MAGI2: variants seen among roughly 807,000 people sequenced by gnomAD.
MAGI2 encodes the protein membrane-associated guanylate kinase, WW and PDZ domain-containing protein 2.
A neutral mutation model predicts 133.3 loss-of-function variants in MAGI2; 35 were observed. The observed-to-expected ratio is 0.26, with a 90% CI of 0.20 to 0.35. MAGI2 has a LOEUF of 0.35. Ranked by LOEUF, MAGI2 falls within the 10% of genes least tolerant of loss-of-function variation. The pLI is 1.00. For synonymous variants in MAGI2, 729 were observed against 710.6 expected (o/e 1.03, Z -0.41); for missense variants, 1,636 against 1,863.4 (o/e 0.88, Z 2.25).
At chr7:78,428,577 C>T (rs1270308462) in intron 6 of MAGI2, among the ~76,000 whole-genome samples, 1 of 152,168 alleles carries the variant, frequency 6.6e-6, no homozygotes, top group Non-Finnish European at 1.5e-5. Flanking sequence ...TGCTAGAGTC[C>T]TCCACATCCA....
intron 1 of MAGI2, among the ~76,000 whole-genome samples, chr7:79,116,930 G>A (rs1387198372): frequency 6.6e-6 from 1 of 152,100 alleles, no homozygotes; most frequent in East Asian, 1.9e-4. Context: ...GCAGAGCCAT[G>A]AGCCAATTAA....
chr7:78,307,913 C>T (rs914065205), intron 9 of MAGI2, among the ~76,000 whole-genome samples: 1 of 152,096 alleles, frequency 6.6e-6, no homozygotes, highest in African/African-American at 2.4e-5. Flanking sequence ...CACCTACCTG[C>T]CCAAGCAAGG....
rs138594788 is a variant in MAGI2, at chr7:79,451,863, G to A, written c.301+1157C>T. Among the ~76,000 whole-genome samples, 149 of 152,228 alleles carry A rather than the reference G, an allele frequency of 9.8e-4. 1 individual carries two copies. In the South Asian group the frequency reaches 0.02, roughly 20 times the overall value. On this transcript the variant is annotated intron_variant, in intron 1 of 21. Transcript: ENST00000354212. ...TCCATACATACCGCACACGAATTGT[G>A]CAGTGAGCTAAAAAAGAAAACAGAA...
At chr7:78,327,678 T>G (rs535041715) in intron 9 of MAGI2, among the ~76,000 whole-genome samples, 3 of 152,256 alleles carry the variant, frequency 2.0e-5, no homozygotes, top group East Asian at 3.9e-4. Flanking sequence ...AAAATACCAC[T>G]CAATATCCCC....
At chr7:78,073,231 A>G (rs1372721502) in intron 21 of MAGI2, among the ~76,000 whole-genome samples, 1 of 152,228 alleles carries the variant, frequency 6.6e-6, no homozygotes. Context: ...CTTGTAGTCA[A>G]GCCAAAACCT....
At chr7:78,421,202 T>G (rs1023389065) in intron 6 of MAGI2, among the ~76,000 whole-genome samples, 2 of 152,148 alleles carry the variant, frequency 1.3e-5, no homozygotes, top group East Asian at 3.9e-4. Flanking sequence ...AAGATATAGA[T>G]CAGCAAGACT....
At chr7:79,389,563 T>C (rs1844449778) in intron 1 of MAGI2, among the ~76,000 whole-genome samples, 1 of 152,172 alleles carries the variant, frequency 6.6e-6, no homozygotes, top group Non-Finnish European at 1.5e-5. Flanking sequence ...AGCATTATTC[T>C]ATTTTAAAAG....
chr7:79,058,925 T>C (rs1407166905), intron 1 of MAGI2, among the ~76,000 whole-genome samples: 1 of 152,104 alleles, frequency 6.6e-6, no homozygotes, highest in Non-Finnish European at 1.5e-5. Flanking sequence ...TAGCATTTAC[T>C]TTTCAGGGTT....
chr7:78,627,778 G>A (rs975530731), intron 2 of MAGI2, among the ~76,000 whole-genome samples: 2 of 152,184 alleles, frequency 1.3e-5, no homozygotes, highest in East Asian at 1.9e-4. Flanking sequence ...TTAAAGGATC[G>A]CAAAACCTTT....
chr7:79,280,552 T>C (rs745368448), intron 1 of MAGI2, among the ~76,000 whole-genome samples: 13 of 152,004 alleles, frequency 8.6e-5, no homozygotes, highest in African/African-American at 1.5e-4. Context: ...TGTTGGGAAA[T>C]TGATGCAGCA....
intron 6 of MAGI2, among the ~76,000 whole-genome samples, chr7:78,416,214 A>T (rs1798287184): frequency 1.3e-5 from 2 of 152,126 alleles, no homozygotes; most frequent in Non-Finnish European, 2.9e-5. Flanking sequence ...CAAAGGAGGG[A>T]TGCAAATGAT....
intron 10 of MAGI2, among the ~76,000 whole-genome samples, chr7:78,205,096 T>C (rs182200916): frequency 5.3e-5 from 8 of 152,254 alleles, no homozygotes; most frequent in Non-Finnish European, 7.3e-5. Flanking sequence ...GATTTCATTA[T>C]TGAAATGTAA....
rs956572027 is a variant in MAGI2, at chr7:79,379,231, G to A, written c.301+73789C>T. 3.5e-4 allele frequency among the ~76,000 whole-genome samples: 53 copies of A among 150,930 alleles called. 1 individual carries two copies. The highest frequency in any genetic ancestry group is 8.9e-5 in the Non-Finnish European group (6 of 67,722). On this transcript the variant is annotated intron_variant, in intron 1 of 21. Transcript: ENST00000354212. Reference sequence around the variant, plus strand: ...GTGGTGTTTGGTTTTTTGTCCTTGCGATAGTTTGCTGAGAATGATGGTTTC... The same window carrying A: ...GTGGTGTTTGGTTTTTTGTCCTTGCAATAGTTTGCTGAGAATGATGGTTTC...
intron 1 of MAGI2, among the ~76,000 whole-genome samples, chr7:79,014,642 CT>C (rs1410217947): frequency 6.6e-6 from 1 of 151,786 alleles, no homozygotes. Context: ...TTTTTTAAAA[CT>C]AGAGATATAC....
At chr7:79,151,434 G>A (rs1362942004) in intron 1 of MAGI2, among the ~76,000 whole-genome samples, 4 of 152,042 alleles carry the variant, frequency 2.6e-5, no homozygotes, top group Non-Finnish European at 4.4e-5. Context: ...ATTTTGTTAC[G>A]AAAGCTCCTT....
At chr7:78,544,913 C>T (rs1236927484) in intron 3 of MAGI2, among the ~76,000 whole-genome samples, 1 of 151,698 alleles carries the variant, frequency 6.6e-6, no homozygotes, top group African/African-American at 2.4e-5. Flanking sequence ...CCTGCTTTGG[C>T]CTCCCGAAGG....
intron 21 of MAGI2, among the ~76,000 whole-genome samples, chr7:78,027,535 T>C (rs2471574): frequency 0.91 from 138,753 of 151,648 alleles, 63,607 homozygotes; most frequent in East Asian, 1. Flanking sequence ...TGCTGAGGCA[T>C]GAGAATCGCT....
chr7:78,775,420 T>TACATAGAG (rs1034244819), intron 2 of MAGI2, among the ~76,000 whole-genome samples: 11 of 149,106 alleles, frequency 7.4e-5, no homozygotes, highest in Non-Finnish European at 1.2e-4. Flanking sequence ...TGGAGATATT[T>TACATAGAG]ACATAGAGAG....
At chr7:79,347,765 A>G (rs1841428653) in intron 1 of MAGI2, among the ~76,000 whole-genome samples, 1 of 151,944 alleles carries the variant, frequency 6.6e-6, no homozygotes, top group African/African-American at 2.4e-5. Flanking sequence ...TGAATAATAA[A>G]AGCATGGATA....
Sources: gnomAD v4.1 joint callset for allele counts (sites outside exome capture counted in the v4.1 genomes callset) on GRCh38, gnomAD v4.1.1 for gene constraint, MANE v1.5 for transcripts, NCBI Gene and HGNC (gene_info 2026-07-23, HGNC 2026-07-21) for gene names.